The following GTPBP4 variants were observed in gnomAD, a reference collection of about 807,000 sequenced individuals.
The protein encoded by GTPBP4 is GTP binding protein 4, also known as GTP-binding protein 4.
A neutral mutation model predicts 81.7 loss-of-function variants in GTPBP4; 15 were observed. The ratio of observed to expected loss-of-function variants is 0.18; its 90% CI spans 0.12 to 0.28. GTPBP4 has a LOEUF of 0.28. Ranked by LOEUF, GTPBP4 falls within the 10% of genes least tolerant of loss-of-function variation. GTPBP4 has a pLI of 1.00. For missense variants in GTPBP4, 847 were observed against 793.8 expected (o/e 1.07, Z -0.81); for synonymous variants, 272 against 274.6 (o/e 0.99, Z 0.09).
intron 4 of GTPBP4, 21 bp downstream of exon 4, chr10:996,263 G>A (rs376654722): frequency 7.5e-6 from 12 of 1,604,062 alleles, no homozygotes; most frequent in African/African-American, 1.3e-5. Context: ...CGCATCCGCG[G>A]GAACCGTGCT....
At chr10:1,010,093 GGGTGTT>G in intron 12 of GTPBP4, among the ~76,000 whole-genome samples, 1 of 148,454 alleles carries the variant, frequency 6.7e-6, no homozygotes, top group Non-Finnish European at 1.5e-5. Context: ...CTCCACGTGT[GGGTGTT>G]GAATGAGGCT....
In GTPBP4 at chr10:1,019,156, G is replaced by A; in HGVS notation, c.*1929G>A. ...TGACCTTGGAGGCTTGGATAAAGCT[G>A]TGGGGAGACAGCCTCATGGTCCAGC... On this transcript the variant is annotated 3_prime_UTR_variant, in exon 17 of 17. Transcript: ENST00000360803. The A allele has an allele frequency of 4.9e-6, 1 of 202,484 alleles. No individual in the cohort carries two copies. Among genetic ancestry groups the A allele is most frequent in the Admixed American group, 5.3e-5 (1 of 18,912 alleles). The allele number at this position is 202,484 out of a possible 1,614,324, so 12.5% of individuals were successfully genotyped here. A position where few individuals can be genotyped will look rare whatever the true frequency, so the allele number is the denominator to read the frequency against.
In GTPBP4 at chr10:1,019,554, G is replaced by T. The variant is rs1832051573; in HGVS notation, c.*2327G>T. 1.2e-6 allele frequency: 2 copies of T among 1,613,658 alleles called. No individual in the cohort carries two copies. Among genetic ancestry groups the T allele is most frequent in the Non-Finnish European group, 1.7e-6 (2 of 1,179,898 alleles). ...TATTTTGTGAAGCTCCACAAACGGGGTCACGTCATCCAGGTGAGGCCACCA... is the reference window on the plus strand; with the variant it reads ...TATTTTGTGAAGCTCCACAAACGGGTTCACGTCATCCAGGTGAGGCCACCA... On this transcript the variant is annotated 3_prime_UTR_variant, in exon 17 of 17. Coordinates refer to ENST00000360803, the MANE Select transcript of GTPBP4 (RefSeq NM_012341.3).
Position 992,388 on chromosome 10 carries a change from A to G in GTPBP4, c.49-101A>G, listed in dbSNP as rs112794830. The G allele has an allele frequency of 8.8e-4, 627 of 714,974 alleles. 3 individuals are homozygous for G. The African/African-American group carries it at 9.8e-3, about 11-fold the overall frequency. The allele number at this position is 714,974 out of a possible 1,614,324, so 44.3% of individuals were successfully genotyped here. A position where few individuals can be genotyped will look rare whatever the true frequency, so the allele number is the denominator to read the frequency against. ...GCACTCCAGCCTGGGCGACAGAGCG[A>G]GACTCTGTCTCAAAAAAAAAAAAAA... On this transcript the variant is annotated intron_variant, in intron 1 of 16. Transcript: ENST00000360803.
chr10:994,393 C>T (rs975078359), intron 2 of GTPBP4, among the ~76,000 whole-genome samples: 9 of 152,092 alleles, frequency 5.9e-5, no homozygotes, highest in Non-Finnish European at 1.2e-4. Context: ...CTCAGCCTCC[C>T]GAGTAGCTGG....
intron 15 of GTPBP4, among the ~76,000 whole-genome samples, chr10:1,014,591 A>G (rs2132175261): frequency 6.6e-6 from 1 of 152,318 alleles, no homozygotes; most frequent in South Asian, 2.1e-4. Flanking sequence ...CTTGGGAGGC[A>G]GAGATTGCAG....
chr10:1,016,181 G>A (rs995229313), intron 16 of GTPBP4, among the ~76,000 whole-genome samples: 1 of 151,090 alleles, frequency 6.6e-6, no homozygotes, highest in African/African-American at 2.4e-5. Context: ...AGACCCTGCT[G>A]TCTGAAGAGG....
chr10:1,014,209 A>G (rs998680735), intron 14 of GTPBP4, 38 bp from the exon 15 acceptor site: 1 of 1,314,016 alleles, frequency 7.6e-7, no homozygotes, highest in African/African-American at 1.4e-5. Context: ...ATTTCATCAA[A>G]CTAATTTAAA....
chr10:1,004,036 C>T (rs1044585355), intron 8 of GTPBP4, among the ~76,000 whole-genome samples: 1 of 152,120 alleles, frequency 6.6e-6, no homozygotes, highest in Non-Finnish European at 1.5e-5. Flanking sequence ...GGCTGTGGCT[C>T]CACCCGTGGG....
At position 1,007,116 on chromosome 10, in the gene GTPBP4, G is replaced by T. The variant is rs1197393952; in HGVS notation, c.1101G>T (p.Arg367Ser). Residue 367 changes from arginine to serine, a missense_variant, in exon 10 of 17, where the codon AGG becomes AGT. Around this residue, in one of 3 missense-constraint regions of GTPBP4, gnomAD observed 600 missense variants for 557.1 expected, o/e 1.08. Coordinates refer to ENST00000360803, the MANE Select transcript of GTPBP4 (RefSeq NM_012341.3). The stretch of plus-strand genomic sequence containing the variant: ...GACTGCACCTGGCTATCCCAACCAG[G>T]AGGGACGATAAGGTAAGACGGCCCC... ...LNRLHLAIPT[R>S]RDDKERPPFI... 1 of 1,588,954 alleles carries T rather than the reference G, an allele frequency of 6.3e-7. No individual in the cohort carries two copies. The highest frequency in any genetic ancestry group is 1.3e-5 in the African/African-American group (1 of 74,460).
At chr10:1,011,063 TCC>T (rs1831857536) in intron 13 of GTPBP4, among the ~76,000 whole-genome samples, 2 of 101,588 alleles carry the variant, frequency 2.0e-5, no homozygotes, top group African/African-American at 6.9e-5. Flanking sequence ...CCCTTCATTC[TCC>T]TGCATCCCTC....
At chr10:1,009,725 C>T (rs1831814432) in intron 12 of GTPBP4, 145 bp downstream of exon 12, 1 of 656,060 alleles carries the variant, frequency 1.5e-6, no homozygotes, top group Admixed American at 2.3e-5. Context: ...AAGTTGCATC[C>T]TGAGGGCCAG....
chr10:1,014,582 T>A (rs1285306148), intron 15 of GTPBP4, among the ~76,000 whole-genome samples: 1 of 152,194 alleles, frequency 6.6e-6, no homozygotes, highest in Non-Finnish European at 1.5e-5. Context: ...TTGCTTGAAC[T>A]TGGGAGGCAG....
intron 10 of GTPBP4, 58 bp from the exon 11 acceptor site, chr10:1,008,900 T>C (rs1831800415): frequency 3.8e-6 from 5 of 1,323,464 alleles, no homozygotes; most frequent in African/African-American, 1.4e-5. Flanking sequence ...TTTTCGGCTT[T>C]GTAAGTTTCT....
chr10:1,018,217 G>T lies in GTPBP4; in HGVS notation c.*990G>T, dbSNP rs1007146834. On this transcript the variant is annotated 3_prime_UTR_variant, in exon 17 of 17. Transcript: ENST00000360803. Reference sequence around the variant, plus strand: ...CGAGGTGGGCAGATCAGGAGGTCAGGAGTTCGAGACCAGCCTGGCCAACAT... The same window carrying T: ...CGAGGTGGGCAGATCAGGAGGTCAGTAGTTCGAGACCAGCCTGGCCAACAT... 6.6e-6 allele frequency: 1 copy of T among 152,148 alleles called. No homozygotes were observed. The highest frequency in any genetic ancestry group is 2.4e-5 in the African/African-American group (1 of 41,396). 9.4% of individuals were successfully genotyped at this position (152,148 alleles called of 1,614,324 possible).
At chr10:994,705 T>C (rs1223731913) in intron 2 of GTPBP4, among the ~76,000 whole-genome samples, 1 of 152,258 alleles carries the variant, frequency 6.6e-6, no homozygotes, top group Non-Finnish European at 1.5e-5. Context: ...CTCAGTGTTA[T>C]AGCCATCAGA....
chr10:996,926 G>C (rs1189502165), intron 4 of GTPBP4: 2 of 403,160 alleles, frequency 5.0e-6, no homozygotes, highest in African/African-American at 4.2e-5. Flanking sequence ...GACACTGCCA[G>C]ACATGCTGTT....
chr10:998,221 A>G (rs1831566450), intron 5 of GTPBP4, among the ~76,000 whole-genome samples: 1 of 151,806 alleles, frequency 6.6e-6, no homozygotes, highest in South Asian at 2.1e-4. Context: ...CACCTCAGCC[A>G]CCCAAGTAGC....
intron 10 of GTPBP4, 27 bp downstream of exon 10, chr10:1,007,155 G>A: frequency 8.0e-7 from 1 of 1,257,704 alleles, no homozygotes; most frequent in Non-Finnish European, 1.2e-6. Flanking sequence ...GACAGCCGTG[G>A]GCTCACAGTA....
Sources: allele counts gnomAD v4.1 joint callset (sites outside exome capture counted in the v4.1 genomes callset), GRCh38; gene constraint gnomAD v4.1.1; regional missense constraint gnomAD v4.1.1; transcripts MANE v1.5; gene names NCBI Gene and HGNC (gene_info 2026-07-23, HGNC 2026-07-21).